Variants in NADSYN1 observed in about 807,000 individuals in gnomAD.
NADSYN1 encodes the protein NAD synthetase 1, also known as glutamine-dependent NAD(+) synthetase.
NADSYN1 carries 80 observed loss-of-function variants against 99.3 expected under a neutral mutation model. The observed-to-expected ratio is 0.81, with a 90% CI of 0.67 to 0.97. The LOEUF (loss-of-function observed/expected upper bound fraction) is 0.97. NADSYN1 is among the 50% of genes least tolerant of loss of function. The pLI is 0.00. For synonymous variants in NADSYN1, 385 were observed against 372.1 expected (o/e 1.03, Z -0.40); for missense variants, 859 against 948.5 (o/e 0.91, Z 1.24).
intron 9 of NADSYN1, chr11:71,476,876 G>A: frequency 1.0e-6 from 1 of 986,810 alleles, no homozygotes. Context: ...GCACCAGGCA[G>A]TTGTTTCGTG....
intron 2 of NADSYN1, 24 bp downstream of exon 2, chr11:71,455,194 G>T (rs1467306814): frequency 6.2e-7 from 1 of 1,601,026 alleles, no homozygotes; most frequent in South Asian, 1.1e-5. Context: ...CAGACACCCT[G>T]GGGTCGTCAG....
chr11:71,498,331 C>G (rs760423739), intron 19 of NADSYN1, 21 bp from the exon 20 acceptor site: 1 of 1,613,194 alleles, frequency 6.2e-7, no homozygotes, highest in Non-Finnish European at 8.5e-7. Context: ...ACATGAAGCT[C>G]GTGTGTTGCA....
chr11:71,463,498 C>T lies in NADSYN1; in HGVS notation c.317+13C>T. On this transcript the variant is annotated intron_variant, in intron 4 of 20. Transcript: ENST00000319023. ...TATTCCTCAACAGGTAGGCCCCCTG[C>T]CCCCACCCCGGGAGGGTGACTGGGG... The T allele has an allele frequency of 6.2e-7, 1 of 1,612,612 alleles. No homozygotes were observed. Among genetic ancestry groups the T allele is most frequent in the Non-Finnish European group, 8.5e-7 (1 of 1,178,788 alleles).
Position 71,498,383 on chromosome 11 carries a change from A to C in NADSYN1, c.1925A>C (p.Lys642Thr). ...VADKVKRFFS[K>T]YSMNRHKMTT... ...GACAAAGTGAAGCGGTTTTTCTCCA[A>C]GTACTCCATGAACAGACACAAGATG... Residue 642 changes from lysine (K) to threonine (T), a missense_variant, in exon 20 of 21, where the codon AAG (lysine) becomes ACG (threonine). Lys to Thr is a moderately conservative substitution (Grantham distance 78). Coordinates refer to ENST00000319023, the MANE Select transcript of NADSYN1 (RefSeq NM_018161.5). The C allele has an allele frequency of 1.2e-6, 2 of 1,614,220 alleles. No individual in the cohort carries two copies. The highest frequency in any genetic ancestry group is 2.2e-5 in the South Asian group (2 of 91,080).
chr11:71,498,550 C>T lies in NADSYN1; in HGVS notation c.2070+22C>T, dbSNP rs75111271. 2.6e-3 allele frequency: 4,159 copies of T among 1,610,970 alleles called. 22 individuals are homozygous for T. The highest frequency in any genetic ancestry group is 4.0e-3 in the South Asian group (359 of 90,798). The stretch of plus-strand genomic sequence containing the variant: ...TCAGGTAAATCCAGCAGAAATGTTT[C>T]TCTCTCCATGTTTCATGTCTGTAGA... On this transcript the variant is annotated intron_variant, in intron 20 of 20. Transcript: ENST00000319023.
intron 9 of NADSYN1, among the ~76,000 whole-genome samples, chr11:71,477,717 G>T (rs940969853): frequency 1.3e-5 from 2 of 152,228 alleles, no homozygotes; most frequent in Non-Finnish European, 2.9e-5. Flanking sequence ...CAGGCAGCAC[G>T]TCCAGGCCAA....
At position 71,464,130 on chromosome 11, in the gene NADSYN1, G is replaced by A; in HGVS notation, c.395G>A (p.Trp132Ter). The A allele has an allele frequency of 6.2e-7, 1 of 1,609,672 alleles. No homozygotes were observed. The highest frequency in any genetic ancestry group is 2.2e-5 in the East Asian group (1 of 44,776). Reference sequence around the variant, plus strand: ...CGCGAGCTGCGCTGGTTCACCCCGTGGTCGAGGAGTCGGTGAGTCGGGTGC... The same window carrying A: ...CGCGAGCTGCGCTGGTTCACCCCGTAGTCGAGGAGTCGGTGAGTCGGGTGC... ...NYRELRWFTP[W>*]SRSRHTEEYF... is the part of the protein sequence containing the mutation. Residue 132 changes from tryptophan (W) to a stop codon, truncating the protein, a stop_gained, in exon 5 of 21, where the codon TGG becomes TAG. Coordinates refer to ENST00000319023, the MANE Select transcript of NADSYN1 (RefSeq NM_018161.5). LOFTEE classifies it high-confidence loss of function.
At position 71,481,362 on chromosome 11, in the gene NADSYN1, A is replaced by G. The variant is rs773588392; in HGVS notation, c.1005A>G (p.Gly335=). ...TGTTCTGATTGCCCTGCAGCCTTGG[A>G]CCTGCCTGCTGGCTCTGGGATTTTT... ...YHSPEEEISL[G]PACWLWDFLR... is the part of the protein sequence containing the mutation. The change falls in exon 12 of 21, where the codon GGA becomes GGG. Residue 335 remains glycine (G), a synonymous_variant. Coordinates refer to ENST00000319023, the MANE Select transcript of NADSYN1 (RefSeq NM_018161.5). 2 of 1,613,732 alleles carry G rather than the reference A, an allele frequency of 1.2e-6. No individual in the cohort carries two copies. The highest frequency in any genetic ancestry group is 2.7e-5 in the African/African-American group (2 of 74,812).
In NADSYN1 at chr11:71,490,977, G is replaced by T. The variant is rs148938812; in HGVS notation, c.1694+1G>T. 2 of 1,614,056 alleles carry T rather than the reference G, an allele frequency of 1.2e-6. No homozygotes were observed. Among genetic ancestry groups the T allele is most frequent in the Non-Finnish European group, 8.5e-7 (1 of 1,179,974 alleles). On this transcript the variant is annotated splice_donor_variant, in intron 17 of 20. Transcript: ENST00000319023. LOFTEE classifies it high-confidence loss of function. ...GCTTCCAGCTTCCTGCCCTGCAGAG[G>T]TGAGTGTGCTCACGGGCTGTGGCTC...
chr11:71,493,226 C>T (rs190716694), intron 18 of NADSYN1, among the ~76,000 whole-genome samples: 69 of 152,186 alleles, frequency 4.5e-4, no homozygotes, highest in Middle Eastern at 3.4e-3. Context: ...TTTTCTAGTT[C>T]TCAGAATTTA....
rs141163063 is a variant in NADSYN1 at position 71,474,436 on chromosome 11, C to T, written c.708C>T (p.Asp236=). The T allele has an allele frequency of 2.0e-5, 33 of 1,614,176 alleles. No homozygotes were observed. The highest frequency in any genetic ancestry group is 1.6e-4 in the Middle Eastern group (1 of 6,062). The change falls in exon 9 of 21, where the codon GAC becomes GAT. Residue 236 remains aspartate (D), a synonymous_variant. Coordinates refer to ENST00000319023, the MANE Select transcript of NADSYN1 (RefSeq NM_018161.5). ...TGCTGGCCAACCAGAAGGGTTGTGA[C>T]GGGGACCGCCTGTACTACGACGGCT... ...IYLLANQKGC[D]GDRLYYDGCA... is the part of the protein sequence containing the mutation.
chr11:71,492,342 C>T (rs1356475667), intron 18 of NADSYN1, among the ~76,000 whole-genome samples: 5 of 152,170 alleles, frequency 3.3e-5, no homozygotes, highest in Non-Finnish European at 7.3e-5. Flanking sequence ...ATCCATGACA[C>T]TCCAGCCTCT....
chr11:71,480,821 C>G lies in NADSYN1; in HGVS notation c.940C>G (p.Leu314Val). The change falls in exon 11 of 21, where the codon CTG (leucine) becomes GTG (valine). Residue 314 changes from leucine (L) to valine (V), a missense_variant. Physicochemically the swap from Leu to Val is conservative, Grantham distance 32 (BLOSUM62 1). Coordinates refer to ENST00000319023, the MANE Select transcript of NADSYN1 (RefSeq NM_018161.5). ...DFALSCHEDL[L>V]APISEPIEWK... Reference sequence around the variant, plus strand: ...TGCCCTCTCGTGCCACGAGGACTTGCTGGCACCCATCTCTGAGCCCATCGA... The same window carrying G: ...TGCCCTCTCGTGCCACGAGGACTTGGTGGCACCCATCTCTGAGCCCATCGA... 4.3e-6 allele frequency: 7 copies of G among 1,614,184 alleles called. No homozygotes were observed. Among genetic ancestry groups the G allele is most frequent in the Non-Finnish European group, 5.9e-6 (7 of 1,180,030 alleles).
chr11:71,474,312 C>T (rs926908631), intron 8 of NADSYN1, 83 bp from the exon 9 acceptor site: 47 of 1,573,148 alleles, frequency 3.0e-5, no homozygotes, highest in Non-Finnish European at 3.7e-5. Context: ...CGGGACTCGG[C>T]GGAGGTTCCT....
At chr11:71,495,722 C>T (rs1949814463) in intron 18 of NADSYN1, among the ~76,000 whole-genome samples, 1 of 152,258 alleles carries the variant, frequency 6.6e-6, no homozygotes, top group Admixed American at 6.5e-5. Flanking sequence ...TTGTGCGCAA[C>T]CCGTCAGGTG....
chr11:71,477,476 C>T lies in NADSYN1; in HGVS notation c.799-919C>T, dbSNP rs541821801. 229 of 1,283,162 alleles carry T rather than the reference C, an allele frequency of 1.8e-4. 1 individual carries two copies. The African/African-American group carries it at 2.3e-3, about 13-fold the overall frequency. The allele number at this position is 1,283,162 out of a possible 1,614,324, so 79.5% of individuals were successfully genotyped here. A position where few individuals can be genotyped will look rare whatever the true frequency, so the allele number is the denominator to read the frequency against. On this transcript the variant is annotated intron_variant, in intron 9 of 20. Coordinates refer to ENST00000319023, the MANE Select transcript of NADSYN1 (RefSeq NM_018161.5). ...GTTACGGCGGTAGGAGCAAGGGGCGCGCAAGGTGGCCACGGCCATCCTGTG... is the reference window on the plus strand; with the variant it reads ...GTTACGGCGGTAGGAGCAAGGGGCGTGCAAGGTGGCCACGGCCATCCTGTG...
rs773494423 is a variant in NADSYN1 at position 71,455,184 on chromosome 11, C to G, written c.146+14C>G. 2.5e-6 allele frequency: 4 copies of G among 1,609,930 alleles called. No homozygotes were observed. Among genetic ancestry groups the G allele is most frequent in the Middle Eastern group, 1.6e-4 (1 of 6,068 alleles). Reference sequence around the variant, plus strand: ...GCTGGAAATATGGTGAGAACAGACACAGACACCCTGGGGTCGTCAGCTAGC... The same window carrying G: ...GCTGGAAATATGGTGAGAACAGACAGAGACACCCTGGGGTCGTCAGCTAGC... On this transcript the variant is annotated intron_variant, in intron 2 of 20. Transcript: ENST00000319023.
chr11:71,497,632 C>G (rs1949829177), intron 19 of NADSYN1, 21 bp downstream of exon 19: 1 of 1,613,770 alleles, frequency 6.2e-7, no homozygotes, highest in African/African-American at 1.3e-5. Flanking sequence ...TGAGACGCAT[C>G]ACAGAGGGAG....
chr11:71,458,246 C>T (rs908755365), intron 2 of NADSYN1, among the ~76,000 whole-genome samples, 182 bp from the exon 3 acceptor site: 11 of 152,182 alleles, frequency 7.2e-5, no homozygotes, highest in Admixed American at 2.0e-4. Context: ...GCTTTCAGTA[C>T]GGCACATCTG....
Sources: allele counts gnomAD v4.1 joint callset (sites outside exome capture counted in the v4.1 genomes callset), GRCh38; gene constraint gnomAD v4.1.1; transcripts MANE v1.5; gene names NCBI Gene and HGNC (gene_info 2026-07-23, HGNC 2026-07-21).